RAB44: variants seen among roughly 807,000 people sequenced by gnomAD.
RAB44 encodes ras-related protein Rab-44.
In RAB44, 67 loss-of-function variants were observed where a neutral mutation model predicts 93.3. That is an observed-to-expected ratio of 0.72 (90% CI 0.59 to 0.88). The LOEUF (loss-of-function observed/expected upper bound fraction) is 0.88, where lower values mean the gene tolerates loss of function less well. Ranked by LOEUF, RAB44 falls within the 40% of genes least tolerant of loss-of-function variation. The probability of loss-of-function intolerance (pLI) is 0.00; values close to 1 mark genes in which losing one functional copy is unlikely to be tolerated. For synonymous variants in RAB44, 427 were observed against 520.3 expected, an observed-to-expected ratio of 0.82 and a Z score of 2.44; for missense variants, 1,064 against 1,261.7, an observed-to-expected ratio of 0.84 and a Z score of 2.37.
intron 2 of RAB44, among the ~76,000 whole-genome samples, chr6:36,710,530 C>T (rs777534498): frequency 4.0e-5 from 6 of 150,692 alleles, no homozygotes; most frequent in Middle Eastern, 3.4e-3. Context: ...GGGTCTTTGC[C>T]GCTTTCTTTT....
At chr6:36,730,324 C>G (rs1462281162) in intron 12 of RAB44, among the ~76,000 whole-genome samples, 1 of 152,124 alleles carries the variant, frequency 6.6e-6, no homozygotes, top group Non-Finnish European at 1.5e-5. Flanking sequence ...TCCAATATTC[C>G]CCCAATGAAA....
intron 2 of RAB44, among the ~76,000 whole-genome samples, chr6:36,706,746 A>G (rs1388022577): frequency 6.8e-6 from 1 of 146,440 alleles, no homozygotes; most frequent in Non-Finnish European, 1.5e-5. Context: ...TTTTTTTTTG[A>G]GACAGGGTCT....
In RAB44 at chr6:36,722,052, G is replaced by A. The variant is rs1562063944; in HGVS notation, c.1918G>A (p.Ala640Thr). 9 of 1,234,524 alleles carry A rather than the reference G, an allele frequency of 7.3e-6. No homozygotes were observed. The allele number at this position is 1,234,524 out of a possible 1,614,324, so 76.5% of individuals were successfully genotyped here. The change falls in exon 9 of 14, where the codon GCG becomes ACG. Residue 640 changes from alanine to threonine, a missense_variant. Physicochemically the swap from Ala to Thr is moderately conservative, Grantham distance 58. Coordinates refer to ENST00000612677, the MANE Select transcript of RAB44 (RefSeq NM_001257357.2). ...GCTGGAGCAGGGCCAGGCGGGCCCA[G>A]CGGTGCAGGAGGGCCTTCCTGAGGG... ...ERLEQGQAGP[A>T]VQEGLPEGLR...
At chr6:36,712,392 T>C (rs1048792304) in intron 2 of RAB44, among the ~76,000 whole-genome samples, 1 of 152,180 alleles carries the variant, frequency 6.6e-6, no homozygotes, top group African/African-American at 2.4e-5. Context: ...TGAGATACAG[T>C]CTCATTCTGT....
chr6:36,709,291 A>G (rs1762724933), intron 2 of RAB44, among the ~76,000 whole-genome samples: 1 of 152,188 alleles, frequency 6.6e-6, no homozygotes. Context: ...ACTGGGCCAA[A>G]TTTGGCAAAA....
chr6:36,727,611 G>A lies in RAB44; in HGVS notation c.2716G>A (p.Ala906Thr). The change falls in exon 11 of 14, where the codon GCT becomes ACT. Residue 906 changes from alanine (A) to threonine (T), a missense_variant. Physicochemically the swap from Ala to Thr is moderately conservative, Grantham distance 58 (BLOSUM62 0). Transcript: ENST00000612677. The part of the protein sequence containing the change: ...HSMTRQLLRK[A>T]DGVVLMYDIT... ...TATGACGCGACAGCTGCTCCGCAAG[G>A]CTGACGGGGTGGTGCTCATGTACGA... 1.9e-6 allele frequency: 3 copies of A among 1,550,592 alleles called. No individual in the cohort carries two copies. Among genetic ancestry groups the A allele is most frequent in the Non-Finnish European group, 2.6e-6 (3 of 1,147,000 alleles).
chr6:36,713,793 T>G lies in RAB44; in HGVS notation c.208-35T>G, dbSNP rs140345441. The G allele has an allele frequency of 4.2e-3, 5,656 of 1,362,474 alleles. 30 individuals carry two copies. Among genetic ancestry groups the G allele is most frequent in the Non-Finnish European group, 4.6e-3 (4,595 of 989,014 alleles). 84.4% of individuals were successfully genotyped at this position (1,362,474 alleles called of 1,614,324 possible). On this transcript the variant is annotated intron_variant, in intron 2 of 13. Coordinates refer to ENST00000612677, the MANE Select transcript of RAB44 (RefSeq NM_001257357.2). Reference sequence around the variant, plus strand: ...TTTGGAGGGTGAGAGCCTTCCCCGGTGGGAACACCTGCCCAACTTGCCCAT... The same window carrying G: ...TTTGGAGGGTGAGAGCCTTCCCCGGGGGGAACACCTGCCCAACTTGCCCAT...
At chr6:36,723,836 C>CAAAAAAAAAA (rs565860026) in intron 9 of RAB44, among the ~76,000 whole-genome samples, 3,543 of 64,198 alleles carry the variant, frequency 0.055, 359 homozygotes, top group Middle Eastern at 0.11. Flanking sequence ...TTCCGTCTCC[C>CAAAAAAAAAA]AAAAAAAAAA....
chr6:36,710,623 C>T (rs537627265), intron 2 of RAB44, among the ~76,000 whole-genome samples: 1 of 105,486 alleles, frequency 9.5e-6, no homozygotes, highest in South Asian at 2.8e-4. Context: ...TCTTGGCTCA[C>T]TGCAACCTCC....
chr6:36,711,291 T>C (rs1261216002), intron 2 of RAB44, among the ~76,000 whole-genome samples: 2 of 152,252 alleles, frequency 1.3e-5, no homozygotes, highest in African/African-American at 4.8e-5. Flanking sequence ...AAAGATAAAG[T>C]TGACTTATTT....
chr6:36,722,357 T>A lies in RAB44; in HGVS notation c.2223T>A (p.Pro741=). 1 of 1,344,598 alleles carries A rather than the reference T, an allele frequency of 7.4e-7. No individual in the cohort carries two copies. The highest frequency in any genetic ancestry group is 9.5e-7 in the Non-Finnish European group (1 of 1,049,640). The allele number at this position is 1,344,598 out of a possible 1,614,324, so 83.3% of individuals were successfully genotyped here. Residue 741 remains proline, a synonymous_variant, in exon 9 of 14, where the codon CCT becomes CCA. Coordinates refer to ENST00000612677, the MANE Select transcript of RAB44 (RefSeq NM_001257357.2). ...AEGPTPGKSA[P]PRGSPPRGAQ... ...GCCCCACTCCTGGAAAATCGGCACCTCCAAGGGGCTCTCCTCCCAGGGGGG... is the reference window on the plus strand; with the variant it reads ...GCCCCACTCCTGGAAAATCGGCACCACCAAGGGGCTCTCCTCCCAGGGGGG...
Position 36,720,535 on chromosome 6 carries a change from T to C in RAB44, c.1001T>C (p.Val334Ala). Reference sequence around the variant, plus strand: ...GCCAGGGGCCGGGTGTCCTGGCAGGTGGAGGAGAAACTGAGGCAAGTGGCT... The same window carrying C: ...GCCAGGGGCCGGGTGTCCTGGCAGGCGGAGGAGAAACTGAGGCAAGTGGCT... ...DAARGRVSWQ[V>A]EEKLSFPGAG... The change falls in exon 8 of 14, where the codon GTG becomes GCG. Residue 334 changes from valine (V) to alanine (A), a missense_variant. By Grantham distance (64) the Val-to-Ala change is moderately conservative (BLOSUM62 0). Coordinates refer to ENST00000612677, the MANE Select transcript of RAB44 (RefSeq NM_001257357.2). 8.1e-7 allele frequency: 1 copy of C among 1,233,706 alleles called. No homozygotes were observed. Among genetic ancestry groups the C allele is most frequent in the Non-Finnish European group, 1.0e-6 (1 of 988,106 alleles). 76.4% of individuals were successfully genotyped at this position (1,233,706 alleles called of 1,614,324 possible). A position where few individuals can be genotyped will look rare whatever the true frequency, so the allele number is the denominator to read the frequency against.
At position 36,721,818 on chromosome 6, in the gene RAB44, C is replaced by T. The variant is rs1255747895; in HGVS notation, c.1684C>T (p.Arg562Trp). The change falls in exon 9 of 14, where the codon CGG becomes TGG. Residue 562 changes from arginine (R) to tryptophan (W), a missense_variant. Arg to Trp is a moderately radical substitution (Grantham distance 101, BLOSUM62 -3). Coordinates refer to ENST00000612677, the MANE Select transcript of RAB44 (RefSeq NM_001257357.2). ...PTQTPPTMTE[R>W]ETQPGPSPTT... ...ACAAACCCCTCCCACCATGACTGAG[C>T]GGGAAACCCAGCCCGGACCCTCACC... The T allele has an allele frequency of 9.5e-5, 117 of 1,234,550 alleles. No homozygotes were observed. The highest frequency in any genetic ancestry group is 6.2e-4 in the Middle Eastern group (3 of 4,814). The allele number at this position is 1,234,550 out of a possible 1,614,324, so 76.5% of individuals were successfully genotyped here.
intron 13 of RAB44, among the ~76,000 whole-genome samples, chr6:36,730,963 G>A (rs977003720): frequency 2.0e-5 from 3 of 151,954 alleles, no homozygotes; most frequent in East Asian, 3.9e-4. Context: ...TGCCCTTCCC[G>A]TTCGCTGAAT....
chr6:36,729,478 C>CTTTT (rs1763310726), intron 12 of RAB44, among the ~76,000 whole-genome samples: 1 of 149,570 alleles, frequency 6.7e-6, no homozygotes, highest in Non-Finnish European at 1.5e-5. Context: ...TTTTTTCTTT[C>CTTTT]TTTCTTTCTT....
chr6:36,727,503 C>A, intron 10 of RAB44, 74 bp from the exon 11 acceptor site: 1 of 953,376 alleles, frequency 1.0e-6, no homozygotes, highest in South Asian at 1.4e-5. Context: ...GGATAGGTTA[C>A]TTCTCCCACT....
chr6:36,714,932 G>T (rs1762877344), intron 3 of RAB44, among the ~76,000 whole-genome samples: 1 of 152,108 alleles, frequency 6.6e-6, no homozygotes, highest in African/African-American at 2.4e-5. Flanking sequence ...CTTTGCCGGG[G>T]ACACACTTCT....
In RAB44 at chr6:36,732,044, T is replaced by C. The variant is rs1780109348; in HGVS notation, c.3017T>C (p.Val1006Ala). Residue 1006 changes from valine to alanine, a missense_variant, in exon 14 of 14, where the codon GTG (valine) becomes GCG (alanine). Coordinates refer to ENST00000612677, the MANE Select transcript of RAB44 (RefSeq NM_001257357.2). ...GAAGAAGGCCTGAAGGACTCGCTGG[T>C]GAAGGTGGCCCCCAAGAGGCCGCCC... ...MQEEGLKDSL[V>A]KVAPKRPPKR... The C allele has an allele frequency of 2.4e-6, 3 of 1,234,320 alleles. No individual in the cohort carries two copies. Among genetic ancestry groups the C allele is most frequent in the Non-Finnish European group, 2.0e-6 (2 of 988,260 alleles). The allele number at this position is 1,234,320 out of a possible 1,614,324, so 76.5% of individuals were successfully genotyped here.
Position 36,722,508 on chromosome 6 carries a change from T to C in RAB44, c.2374T>C (p.Ser792Pro), listed in dbSNP as rs1360081949. The change falls in exon 9 of 14, where the codon TCC becomes CCC. Residue 792 changes from serine (S) to proline (P), a missense_variant. By Grantham distance (74) the Ser-to-Pro change is moderately conservative. Coordinates refer to ENST00000612677, the MANE Select transcript of RAB44 (RefSeq NM_001257357.2). ...AHAEEQGPPH[S>P]REPRAESRLE... ...CGCAGAAGAACAAGGCCCGCCTCAC[T>C]CCAGGGAACCAAGGGCAGAGAGCAG... is the stretch of plus-strand genomic sequence containing the variant. 1 of 1,507,906 alleles carries C rather than the reference T, an allele frequency of 6.6e-7. No homozygotes were observed. Among genetic ancestry groups the C allele is most frequent in the African/African-American group, 1.4e-5 (1 of 72,054 alleles). The allele number at this position is 1,507,906 out of a possible 1,614,324, so 93.4% of individuals were successfully genotyped here.
Sources: gnomAD v4.1 joint callset for allele counts (sites outside exome capture counted in the v4.1 genomes callset) on GRCh38, gnomAD v4.1.1 for gene constraint, MANE v1.5 for transcripts, NCBI Gene and HGNC (gene_info 2026-07-23, HGNC 2026-07-21) for gene names.